Variants in PDLIM5 observed in about 807,000 individuals in gnomAD.
PDLIM5 encodes the protein PDZ and LIM domain protein 5.
A neutral mutation model predicts 64.2 loss-of-function variants in PDLIM5; 34 were observed. That is an observed-to-expected ratio of 0.53 (90% CI 0.40 to 0.71). The LOEUF (loss-of-function observed/expected upper bound fraction) is 0.71. Ranked by LOEUF, PDLIM5 falls within the 30% of genes least tolerant of loss-of-function variation. PDLIM5 has a pLI of 0.00. For synonymous variants in PDLIM5, 253 were observed against 269.1 expected (o/e 0.94, Z 0.59); for missense variants, 683 against 733.6 (o/e 0.93, Z 0.80).
At chr4:94,456,655 T>C (rs1723400213) in intron 2 of PDLIM5, 2 of 988,190 alleles carry the variant, frequency 2.0e-6, no homozygotes, top group Admixed American at 5.5e-5. Context: ...AGAGTATTTG[T>C]GGCATTTCCA....
intron 8 of PDLIM5, among the ~76,000 whole-genome samples, chr4:94,620,497 A>T (rs1224074134): frequency 6.6e-6 from 1 of 152,030 alleles, no homozygotes; most frequent in Non-Finnish European, 1.5e-5. Context: ...TGATTGCACC[A>T]CTACACTCCA....
chr4:94,582,801 C>G, intron 5 of PDLIM5: 2 of 954,786 alleles, frequency 2.1e-6, no homozygotes, highest in Non-Finnish European at 3.3e-6. Context: ...CAATTTAATA[C>G]TACCAGCAAA....
intron 2 of PDLIM5, among the ~76,000 whole-genome samples, chr4:94,502,596 G>A (rs903327109): frequency 6.6e-6 from 1 of 152,168 alleles, no homozygotes; most frequent in Non-Finnish European, 1.5e-5. Flanking sequence ...GTAAGTTAAG[G>A]CCGGGCGCAG....
intron 2 of PDLIM5, among the ~76,000 whole-genome samples, chr4:94,478,842 G>A (rs1004520581): frequency 5.5e-5 from 8 of 145,234 alleles, no homozygotes; most frequent in African/African-American, 1.0e-4. Context: ...TATTTTTTTG[G>A]TTTAAATGAA....
chr4:94,484,543 C>T (rs184330633), intron 2 of PDLIM5, among the ~76,000 whole-genome samples: 1 of 152,206 alleles, frequency 6.6e-6, no homozygotes, highest in African/African-American at 2.4e-5. Context: ...TACATGCATT[C>T]TTATTTGTAT....
intron 9 of PDLIM5, among the ~76,000 whole-genome samples, chr4:94,644,529 CT>C (rs201777322): frequency 1.7e-3 from 248 of 144,518 alleles, no homozygotes; most frequent in Non-Finnish European, 1.7e-3. Flanking sequence ...ATGCCAAGAA[CT>C]TTTTTTTTTT....
chr4:94,626,564 T>G (rs1374188328), intron 8 of PDLIM5, among the ~76,000 whole-genome samples: 2 of 152,158 alleles, frequency 1.3e-5, no homozygotes, highest in Non-Finnish European at 2.9e-5. Flanking sequence ...AATAGGGAGC[T>G]TCAAGTGACT....
chr4:94,570,700 T>TTGC (rs1262070325), intron 3 of PDLIM5, among the ~76,000 whole-genome samples: 1 of 151,968 alleles, frequency 6.6e-6, no homozygotes, highest in Non-Finnish European at 1.5e-5. Context: ...CCTTCTAGAG[T>TTGC]TGCTTTGTTA....
intron 5 of PDLIM5, chr4:94,582,899 G>A: frequency 8.6e-6 from 5 of 583,538 alleles, no homozygotes; most frequent in Non-Finnish European, 1.5e-5. Context: ...AATTTTGTAT[G>A]CATCAGAGGT....
rs1200421631 is a variant in PDLIM5 at position 94,654,490 on chromosome 4, T to G, written c.1314T>G (p.Ser438=). The part of the protein sequence containing the change: ...RGPFLVALGK[S]WHPEEFNCAH... ...CATTCTTAGTGGCACTGGGGAAATC[T>G]TGGCACCCAGAAGAATTCAACTGCG... The change falls in exon 10 of 13, where the codon TCT becomes TCG. Residue 438 remains serine (S), a synonymous_variant. Coordinates refer to ENST00000317968, the MANE Select transcript of PDLIM5 (RefSeq NM_006457.5). 6.2e-7 allele frequency: 1 copy of G among 1,612,730 alleles called. No homozygotes were observed. Among genetic ancestry groups the G allele is most frequent in the Non-Finnish European group, 8.5e-7 (1 of 1,178,748 alleles).
chr4:94,665,922 G>T lies in PDLIM5; in HGVS notation c.*1855G>T. The T allele has an allele frequency of 2.7e-6, 4 of 1,501,288 alleles. No homozygotes were observed. In the South Asian group the frequency reaches 5.2e-5, roughly 19 times the overall value. 93.0% of individuals were successfully genotyped at this position (1,501,288 alleles called of 1,614,324 possible). On this transcript the variant is annotated 3_prime_UTR_variant, in exon 13 of 13. Coordinates refer to ENST00000317968, the MANE Select transcript of PDLIM5 (RefSeq NM_006457.5). ...GAAAAGAATTATGTAGATACCACAT[G>T]GAGACAGGGAAACAATTGTGGTAAA...
At chr4:94,598,754 A>G (rs991104717) in intron 7 of PDLIM5, among the ~76,000 whole-genome samples, 1 of 152,176 alleles carries the variant, frequency 6.6e-6, no homozygotes, top group African/African-American at 2.4e-5. Context: ...TATTCTATAA[A>G]GTAATATAGT....
intron 5 of PDLIM5, chr4:94,579,138 T>C (rs1033595472): frequency 3.2e-5 from 5 of 155,492 alleles, no homozygotes; most frequent in African/African-American, 1.2e-4. Context: ...CTGTTCCTTC[T>C]TATGAGTAAG....
At chr4:94,514,508 T>C (rs563507350) in intron 2 of PDLIM5, among the ~76,000 whole-genome samples, 1 of 152,322 alleles carries the variant, frequency 6.6e-6, no homozygotes, top group South Asian at 2.1e-4. Flanking sequence ...TTTCTTTTTC[T>C]GATGTGTCTT....
chr4:94,548,167 T>C (rs1284079375), intron 3 of PDLIM5, among the ~76,000 whole-genome samples: 1 of 152,146 alleles, frequency 6.6e-6, no homozygotes, highest in Non-Finnish European at 1.5e-5. Flanking sequence ...GCACTTTTGT[T>C]TTCTTAATAA....
chr4:94,595,679 G>A (rs933056745), intron 7 of PDLIM5, among the ~76,000 whole-genome samples: 1 of 152,102 alleles, frequency 6.6e-6, no homozygotes, highest in Non-Finnish European at 1.5e-5. Context: ...GAAATAGTTT[G>A]CTGACCCATC....
intron 3 of PDLIM5, among the ~76,000 whole-genome samples, chr4:94,566,282 T>TA (rs1734309641): frequency 6.6e-6 from 1 of 152,218 alleles, no homozygotes; most frequent in Non-Finnish European, 1.5e-5. Flanking sequence ...TCAGGAAGAA[T>TA]AAATGAGATA....
chr4:94,654,327 A>C (rs1421472873), intron 9 of PDLIM5, 133 bp from the exon 10 acceptor site: 1 of 654,762 alleles, frequency 1.5e-6, no homozygotes, highest in African/African-American at 1.8e-5. Flanking sequence ...CCCAACACCC[A>C]TGAGTTCAGT....
intron 2 of PDLIM5, among the ~76,000 whole-genome samples, chr4:94,514,296 A>G (rs2110112113): frequency 6.6e-6 from 1 of 151,864 alleles, no homozygotes; most frequent in Middle Eastern, 3.4e-3. Flanking sequence ...CATCACGCCC[A>G]GCTAATTTTT....
Sources: allele counts gnomAD v4.1 joint callset (sites outside exome capture counted in the v4.1 genomes callset), GRCh38; gene constraint gnomAD v4.1.1; transcripts MANE v1.5; gene names NCBI Gene and HGNC (gene_info 2026-07-23, HGNC 2026-07-21).